DSCAML1: variants seen among roughly 807,000 people sequenced by gnomAD.
The protein encoded by DSCAML1 is cell adhesion molecule DSCAML1.
A neutral mutation model predicts 200.5 loss-of-function variants in DSCAML1; 38 were observed. The observed-to-expected ratio is 0.19, with a 90% CI of 0.15 to 0.25. The LOEUF (loss-of-function observed/expected upper bound fraction) is 0.25. Among genes scored for constraint, DSCAML1 ranks in the 10% least tolerant of loss-of-function variants. The probability of loss-of-function intolerance (pLI) is 1.00; values close to 1 mark genes in which losing one functional copy is unlikely to be tolerated. For missense variants in DSCAML1, 2,223 were observed against 2,858.8 expected (o/e 0.78, Z 5.07); for synonymous variants, 1,215 against 1,165.0 (o/e 1.04, Z -0.87).
rs568587267 is a variant in DSCAML1 at position 117,666,240 on chromosome 11, C to T, written c.511+110551G>A. Among the ~76,000 whole-genome samples the T allele has an allele frequency of 1.9e-4, 29 of 152,306 alleles. No individual in the cohort carries two copies. In the South Asian group the frequency reaches 5.4e-3, roughly 28 times the overall value. On this transcript the variant is annotated intron_variant, in intron 3 of 32. Coordinates refer to ENST00000651296, the MANE Select transcript of DSCAML1 (RefSeq NM_020693.4). The stretch of plus-strand genomic sequence containing the variant: ...GAGCCAGCCTCTTCAGCATCAATTT[C>T]CACATCTGTAAATTGGGAGTGTTAA...
intron 3 of DSCAML1, among the ~76,000 whole-genome samples, chr11:117,688,625 G>A (rs893458344): frequency 5.9e-5 from 9 of 152,184 alleles, no homozygotes; most frequent in Non-Finnish European, 1.3e-4. Flanking sequence ...GTGTGACCTT[G>A]GGCAGGTCCC....
chr11:117,604,428 C>T (rs1020680860), intron 3 of DSCAML1, among the ~76,000 whole-genome samples: 1 of 152,196 alleles, frequency 6.6e-6, no homozygotes, highest in South Asian at 2.1e-4. Context: ...GCCTGCCCCT[C>T]CCTCCCTCTC....
intron 3 of DSCAML1, among the ~76,000 whole-genome samples, chr11:117,708,919 T>C (rs2053797920): frequency 6.6e-6 from 1 of 152,178 alleles, no homozygotes; most frequent in Admixed American, 6.5e-5. Flanking sequence ...TAAGGCTGGG[T>C]CCTGCCCCAG....
At position 117,428,445 on chromosome 11, in the gene DSCAML1, G is replaced by A. The variant is rs778655911; in HGVS notation, c.6045C>T (p.Gly2015=). 3.2e-6 allele frequency: 5 copies of A among 1,538,860 alleles called. No individual in the cohort carries two copies. The highest frequency in any genetic ancestry group is 2.5e-5 in the South Asian group (2 of 80,202). Residue 2015 remains glycine (G), a synonymous_variant, in exon 33 of 33, where the codon GGC becomes GGT. Transcript: ENST00000651296. ...TGGAGCCCCCCATTTTGGTGTGTGG[G>A]CCCCCGGCTCGTGGAGGCTCGGTGC... ...APSTEPPRAG[G]PHTKMGGSRD...
At chr11:117,520,470 C>T (rs530396396) in intron 6 of DSCAML1, among the ~76,000 whole-genome samples, 8 of 152,254 alleles carry the variant, frequency 5.3e-5, no homozygotes, top group African/African-American at 1.9e-4. Context: ...TCCTCTAATA[C>T]TGAAATTCTA....
chr11:117,609,720 G>A (rs905554185), intron 3 of DSCAML1, among the ~76,000 whole-genome samples: 1 of 152,154 alleles, frequency 6.6e-6, no homozygotes, highest in Non-Finnish European at 1.5e-5. Flanking sequence ...TAATGATCTA[G>A]AAGAACATTA....
At chr11:117,726,480 G>A (rs1172488071) in intron 3 of DSCAML1, among the ~76,000 whole-genome samples, 1 of 152,040 alleles carries the variant, frequency 6.6e-6, no homozygotes, top group Admixed American at 6.6e-5. Flanking sequence ...AGGTCAGTGG[G>A]TAACTCCTGA....
chr11:117,635,364 G>A (rs1228287746), intron 3 of DSCAML1, among the ~76,000 whole-genome samples: 3 of 152,062 alleles, frequency 2.0e-5, no homozygotes, highest in Non-Finnish European at 4.4e-5. Context: ...TCTTTTCACA[G>A]CGCCAGAGTC....
rs1187398616 is a variant in DSCAML1, at chr11:117,437,377, T to C, written c.4465A>G (p.Thr1489Ala). The C allele has an allele frequency of 1.4e-5, 22 of 1,613,644 alleles. No homozygotes were observed. Among genetic ancestry groups the C allele is most frequent in the Admixed American group, 3.3e-5 (2 of 59,980 alleles). ...CGAGCATGCGTGGAGTTGATGTGGG[T>C]GAAGAGGTGTTGGTCTTTGCTGAAG... ...PSFSKDQHLF[T>A]HINSTHARLN... The change falls in exon 26 of 33, where the codon ACC becomes GCC. Residue 1489 changes from threonine to alanine, a missense_variant. Transcript: ENST00000651296. The surrounding 1 kb of genome is among the most constrained non-coding windows in gnomAD (Gnocchi z 5.3).
chr11:117,661,653 C>T (rs908305678), intron 3 of DSCAML1, among the ~76,000 whole-genome samples: 3 of 152,180 alleles, frequency 2.0e-5, no homozygotes, highest in South Asian at 2.1e-4. Context: ...CTCCTGCATC[C>T]CTCCCTAAGG....
chr11:117,639,343 G>T (rs1166181629), intron 3 of DSCAML1, among the ~76,000 whole-genome samples: 1 of 145,480 alleles, frequency 6.9e-6, no homozygotes, highest in Non-Finnish European at 1.5e-5. Context: ...AGGCTGGGTG[G>T]GTGGGAGGTT....
Position 117,609,002 on chromosome 11 carries a change from G to GCAAACAAA in DSCAML1, c.512-76488_512-76481dup, listed in dbSNP as rs71037489. On this transcript the variant is annotated intron_variant, in intron 3 of 32. Coordinates refer to ENST00000651296, the MANE Select transcript of DSCAML1 (RefSeq NM_020693.4). Reference sequence around the variant, plus strand: ...GCCAACATGGTGAAACCCCATTTCTGCAAACAAACAAACAAACAAACAAAC... The same window carrying GCAAACAAA: ...GCCAACATGGTGAAACCCCATTTCTGCAAACAAACAAACAAACAAACAAACAAACAAAC... 1.2e-3 allele frequency among the ~76,000 whole-genome samples: 172 copies of GCAAACAAA among 146,786 alleles called. 1 individual carries two copies. Among genetic ancestry groups the GCAAACAAA allele is most frequent in the African/African-American group, 1.8e-3 (71 of 38,424 alleles).
intron 3 of DSCAML1, among the ~76,000 whole-genome samples, chr11:117,595,090 C>CACACA (rs1416381581): frequency 3.7e-5 from 3 of 80,408 alleles, no homozygotes; most frequent in African/African-American, 2.2e-4. Flanking sequence ...ACACACACAC[C>CACACA]CTTTGATATT....
intron 1 of DSCAML1, among the ~76,000 whole-genome samples, chr11:117,806,456 G>C (rs888984945): frequency 1.3e-5 from 2 of 152,184 alleles, no homozygotes; most frequent in African/African-American, 4.8e-5. Flanking sequence ...CTAATTGTTT[G>C]TCTGCATCAG....
chr11:117,443,531 T>C (rs1410705119), intron 21 of DSCAML1, among the ~76,000 whole-genome samples: 1 of 152,256 alleles, frequency 6.6e-6, no homozygotes, highest in Admixed American at 6.5e-5. Flanking sequence ...CACACCCGGC[T>C]GTAGCCACCT....
chr11:117,431,599 C>T lies in DSCAML1; in HGVS notation c.5309G>A (p.Gly1770Asp). 6.2e-7 allele frequency: 1 copy of T among 1,612,292 alleles called. No individual in the cohort carries two copies. Among genetic ancestry groups the T allele is most frequent in the Non-Finnish European group, 8.5e-7 (1 of 1,179,014 alleles). Residue 1770 changes from glycine to aspartate, a missense_variant, in exon 31 of 33, where the codon GGC becomes GAC. By Grantham distance (94) the Gly-to-Asp change is moderately conservative. Coordinates refer to ENST00000651296, the MANE Select transcript of DSCAML1 (RefSeq NM_020693.4). ...RTLTSDWRTV[G>D]SQHGVTVTES... Reference sequence around the variant, plus strand: ...AGTGACCGTGACACCATGCTGGGAGCCCACGGTGCGCCAGTCGGAGGTGAG... The same window carrying T: ...AGTGACCGTGACACCATGCTGGGAGTCCACGGTGCGCCAGTCGGAGGTGAG...
chr11:117,691,786 C>T (rs979730309), intron 3 of DSCAML1, among the ~76,000 whole-genome samples: 19 of 151,788 alleles, frequency 1.3e-4, no homozygotes, highest in African/African-American at 4.4e-4. Context: ...CTCTTCTGCT[C>T]TACCTTCTCT....
At chr11:117,617,372 T>C (rs954085345) in intron 3 of DSCAML1, among the ~76,000 whole-genome samples, 1 of 152,152 alleles carries the variant, frequency 6.6e-6, no homozygotes, top group Admixed American at 6.5e-5. Flanking sequence ...CCCCGCTCAG[T>C]ATGCATGTTG....
rs377544008 is a variant in DSCAML1, at chr11:117,469,422, C to A, written c.3024+488G>T. ...CCTTAAGTGACAGATGCTTCAGTCA[C>A]CCCCTATATTTTACAGGTCTTTGCC... On this transcript the variant is annotated intron_variant, in intron 16 of 32. Coordinates refer to ENST00000651296, the MANE Select transcript of DSCAML1 (RefSeq NM_020693.4). The surrounding 1 kb of genome is among the most constrained non-coding windows in gnomAD (Gnocchi z 4.1). Among the ~76,000 whole-genome samples the A allele has an allele frequency of 2.6e-5, 4 of 152,168 alleles. No individual in the cohort carries two copies. In the South Asian group the frequency reaches 8.3e-4, roughly 32 times the overall value.
Sources: gnomAD v4.1 joint callset for allele counts (sites outside exome capture counted in the v4.1 genomes callset) on GRCh38, gnomAD v4.1.1 for gene constraint, Gnocchi (gnomAD v3.1) non-coding constraint, MANE v1.5 for transcripts, NCBI Gene and HGNC (gene_info 2026-07-23, HGNC 2026-07-21) for gene names.